TMEM177: variants seen among roughly 807,000 people sequenced by gnomAD.
TMEM177 encodes transmembrane protein 177.
TMEM177 carries 4 observed loss-of-function variants against 14.2 expected under a neutral mutation model. That is an observed-to-expected ratio of 0.28 (90% CI 0.14 to 0.64). The LOEUF is 0.64. Ranked by LOEUF, TMEM177 falls within the 30% of genes least tolerant of loss-of-function variation. The pLI is 0.82. For missense variants in TMEM177, 344 were observed against 405.2 expected, an observed-to-expected ratio of 0.85 and a Z score of 1.30; for synonymous variants, 179 against 174.5, an observed-to-expected ratio of 1.03 and a Z score of -0.20.
At chr2:119,688,730 A>C (rs1689053960), downstream of TMEM177, among the ~76,000 whole-genome samples, 1 of 152,116 alleles carries the variant, frequency 6.6e-6, no homozygotes, top group African/African-American at 2.4e-5. Flanking sequence ...TCCCTGCATC[A>C]AGGTGACAGA....
chr2:119,704,637 G>A, the TMEM177 span, among the ~76,000 whole-genome samples: 23 of 152,114 alleles, frequency 1.5e-4, no homozygotes, highest in African/African-American at 4.3e-4. Flanking sequence ...GGAGGAGGAA[G>A]GTAGCTTGAT....
At chr2:119,691,111 A>C (rs1024347867), downstream of TMEM177, among the ~76,000 whole-genome samples, 4 of 152,190 alleles carry the variant, frequency 2.6e-5, no homozygotes, top group Non-Finnish European at 5.9e-5. Context: ...GGAAGCCTGG[A>C]GTCCACTGAG....
the TMEM177 span, among the ~76,000 whole-genome samples, chr2:119,710,703 G>T: frequency 6.6e-6 from 1 of 151,480 alleles, no homozygotes; most frequent in East Asian, 1.9e-4. Context: ...TCCACCTCCC[G>T]GGTTCACGCC....
In TMEM177 at chr2:119,681,225, A is replaced by G; in HGVS notation, c.372A>G (p.Ile124Met). ...LVINTNHPVV[I>M]HGHTVDWRSP... ...TCAACACTAACCATCCCGTGGTCAT[A>G]CATGGGCATACAGTGGACTGGCGGA... Residue 124 changes from isoleucine (I) to methionine (M), a missense_variant, in exon 2 of 2, where the codon ATA (isoleucine) becomes ATG (methionine). Ile to Met is a conservative substitution (Grantham distance 10, BLOSUM62 1). Coordinates refer to ENST00000272521, the MANE Select transcript of TMEM177 (RefSeq NM_030577.3). The G allele has an allele frequency of 6.2e-7, 1 of 1,614,242 alleles. No individual in the cohort carries two copies. Among genetic ancestry groups the G allele is most frequent in the Non-Finnish European group, 8.5e-7 (1 of 1,180,034 alleles).
At chr2:119,688,691 A>G (rs987037714), downstream of TMEM177, among the ~76,000 whole-genome samples, 14 of 152,150 alleles carry the variant, frequency 9.2e-5, no homozygotes, top group Non-Finnish European at 5.9e-5. Flanking sequence ...ATGAAGGCCT[A>G]CTCAGAGGTA....
At chr2:119,697,520 G>A in the TMEM177 span, among the ~76,000 whole-genome samples, 1 of 152,188 alleles carries the variant, frequency 6.6e-6, no homozygotes. Context: ...CTGCACTCCA[G>A]CCAGGGCAAC....
chr2:119,719,276 T>G, the TMEM177 span, among the ~76,000 whole-genome samples: 2 of 152,210 alleles, frequency 1.3e-5, no homozygotes, highest in African/African-American at 4.8e-5. Flanking sequence ...GGCTTGTTTT[T>G]GCACTTAATC....
downstream of TMEM177, among the ~76,000 whole-genome samples, chr2:119,688,190 T>A (rs547987533): frequency 3.3e-5 from 5 of 152,274 alleles, no homozygotes; most frequent in South Asian, 2.1e-4. Flanking sequence ...AATCTTTTTT[T>A]AAAAATGAGG....
intron 1 of TMEM177, among the ~76,000 whole-genome samples, chr2:119,679,827 T>C (rs1422881903): frequency 6.6e-6 from 1 of 152,214 alleles, no homozygotes; most frequent in Admixed American, 6.5e-5. Flanking sequence ...TAATTTGGCA[T>C]AACAAGTTTT....
At chr2:119,714,890 G>A in the TMEM177 span, among the ~76,000 whole-genome samples, 1 of 152,368 alleles carries the variant, frequency 6.6e-6, no homozygotes, top group Admixed American at 6.5e-5. Flanking sequence ...GCAAGCTTGG[G>A]CAAGGAAGAG....
the TMEM177 span, among the ~76,000 whole-genome samples, chr2:119,706,751 TG>T: frequency 6.6e-6 from 1 of 152,072 alleles, no homozygotes; most frequent in African/African-American, 2.4e-5. Flanking sequence ...TGCTCAAAAA[TG>T]TCATCATTGT....
chr2:119,698,095 G>A, the TMEM177 span, among the ~76,000 whole-genome samples: 2 of 152,164 alleles, frequency 1.3e-5, no homozygotes, highest in Non-Finnish European at 2.9e-5. Context: ...AGAACTTCAC[G>A]GTGAACAAAG....
chr2:119,717,955 G>A, the TMEM177 span, among the ~76,000 whole-genome samples: 15 of 152,162 alleles, frequency 9.9e-5, no homozygotes, highest in African/African-American at 3.1e-4. Context: ...TGCCTGATAC[G>A]TATTAGCTGA....
chr2:119,704,950 C>T, the TMEM177 span, among the ~76,000 whole-genome samples: 1 of 152,166 alleles, frequency 6.6e-6, no homozygotes, highest in Non-Finnish European at 1.5e-5. Flanking sequence ...CCTTCCTGTC[C>T]CTTCAACCAC....
At chr2:119,698,160 G>A in the TMEM177 span, among the ~76,000 whole-genome samples, 1 of 152,138 alleles carries the variant, frequency 6.6e-6, no homozygotes, top group African/African-American at 2.4e-5. Context: ...GTGGCCCTCA[G>A]AAGAACAGAT....
chr2:119,723,436 A>G, the TMEM177 span, among the ~76,000 whole-genome samples: 1 of 152,330 alleles, frequency 6.6e-6, no homozygotes, highest in Admixed American at 6.5e-5. Context: ...CATTCCCCCC[A>G]TAGCTTTGCT....
chr2:119,693,240 C>G, the TMEM177 span, among the ~76,000 whole-genome samples: 1 of 152,116 alleles, frequency 6.6e-6, no homozygotes, highest in Non-Finnish European at 1.5e-5. Context: ...GCAAAGCCCC[C>G]CTGGAGACCC....
At chr2:119,719,622 C>G in the TMEM177 span, among the ~76,000 whole-genome samples, 1 of 152,082 alleles carries the variant, frequency 6.6e-6, no homozygotes, top group Non-Finnish European at 1.5e-5. Flanking sequence ...GGTTGTTGTT[C>G]CCAGAATAGT....
At chr2:119,694,348 CCA>C in the TMEM177 span, among the ~76,000 whole-genome samples, 2 of 150,978 alleles carry the variant, frequency 1.3e-5, no homozygotes, top group African/African-American at 2.4e-5. Context: ...ACACACACAC[CCA>C]CACACACACA....
Sources: gnomAD v4.1 joint callset for allele counts (sites outside exome capture counted in the v4.1 genomes callset) on GRCh38, gnomAD v4.1.1 for gene constraint, MANE v1.5 for transcripts, NCBI Gene and HGNC (gene_info 2026-07-23, HGNC 2026-07-21) for gene names.